SYT17: variants seen among roughly 807,000 people sequenced by gnomAD.
The protein encoded by SYT17 is synaptotagmin-17.
In SYT17, 22 loss-of-function variants were observed where a neutral mutation model predicts 46.7. That is an observed-to-expected ratio of 0.47 (90% confidence interval 0.34 to 0.67). SYT17 has a LOEUF of 0.67. Ranked by LOEUF, SYT17 falls within the 30% of genes least tolerant of loss-of-function variation. The pLI is 0.01. For synonymous variants in SYT17, 251 were observed against 248.4 expected (o/e 1.01, Z -0.10); for missense variants, 519 against 612.8 (o/e 0.85, Z 1.62).
At chr16:19,197,523 A>G (rs918979319) in intron 5 of SYT17, among the ~76,000 whole-genome samples, 1 of 151,978 alleles carries the variant, frequency 6.6e-6, no homozygotes, top group African/African-American at 2.4e-5. Context: ...GTAAGAGTTC[A>G]CTGCAGCTTC....
chr16:19,211,291 CAG>C lies in SYT17; in HGVS notation c.952-11753_952-11752del, dbSNP rs1352700180. Reference sequence around the variant, plus strand: ...TCGATTCTGTGGGGGTTGGATAGGACAGGGGGTGGAACATCGTGCTGACAACC... The same window carrying C: ...TCGATTCTGTGGGGGTTGGATAGGACGGGGTGGAACATCGTGCTGACAACC... On this transcript the variant is annotated intron_variant, in intron 5 of 7. Coordinates refer to ENST00000355377, the MANE Select transcript of SYT17 (RefSeq NM_016524.4). 2.5e-5 allele frequency: 16 copies of C among 637,204 alleles called. No individual in the cohort carries two copies. The East Asian group carries it at 3.9e-4, about 16-fold the overall frequency. 39.5% of individuals were successfully genotyped at this position (637,204 alleles called of 1,614,324 possible).
chr16:19,189,906 G>A (rs1436261993), intron 5 of SYT17, among the ~76,000 whole-genome samples: 1 of 152,206 alleles, frequency 6.6e-6, no homozygotes, highest in Non-Finnish European at 1.5e-5. Context: ...TCCTGGTTCA[G>A]GGCAGAACAT....
intron 5 of SYT17, among the ~76,000 whole-genome samples, chr16:19,201,060 A>C (rs1965440042): frequency 6.6e-6 from 1 of 152,170 alleles, no homozygotes; most frequent in South Asian, 2.1e-4. Context: ...CCAACAGTAG[A>C]GGTCTGCTTC....
At chr16:19,220,452 C>A (rs1966273764) in intron 5 of SYT17, among the ~76,000 whole-genome samples, 2 of 151,922 alleles carry the variant, frequency 1.3e-5, no homozygotes, top group African/African-American at 4.8e-5. Flanking sequence ...GTGCACACCA[C>A]CATGTCTGAC....
chr16:19,180,600 C>T (rs1330951397), intron 4 of SYT17, 61 bp downstream of exon 4: 20 of 1,592,050 alleles, frequency 1.3e-5, no homozygotes, highest in Admixed American at 1.7e-5. Context: ...CACTCTCCCA[C>T]GGAGAGTCAT....
In SYT17 at chr16:19,266,917, C is replaced by T. The variant is rs765529724; in HGVS notation, c.1266C>T (p.Ile422=). 33 of 1,613,538 alleles carry T rather than the reference C, an allele frequency of 2.0e-5. No homozygotes were observed. Among genetic ancestry groups the T allele is most frequent in the Middle Eastern group, 1.7e-4 (1 of 5,944 alleles). Residue 422 remains isoleucine, a synonymous_variant, in exon 8 of 8, where the codon ATC becomes ATT. Transcript: ENST00000355377. ...ACATGAAGAGCAGCAATGACTTCAT[C>T]GGGAGGATCGTCATTGGCCAGTACT... The part of the protein sequence containing the change: ...GHNMKSSNDF[I]GRIVIGQYSS...
chr16:19,168,803 A>C lies in SYT17; in HGVS notation c.15+142A>C. The C allele has an allele frequency of 4.5e-6, 5 of 1,116,268 alleles. No homozygotes were observed. Among genetic ancestry groups the C allele is most frequent in the Non-Finnish European group, 6.1e-6 (5 of 815,280 alleles). The allele number at this position is 1,116,268 out of a possible 1,614,324, so 69.1% of individuals were successfully genotyped here. On this transcript the variant is annotated intron_variant, in intron 1 of 7. Transcript: ENST00000355377. This position sits in a 1 kb window ranked among gnomAD's most constrained non-coding sequence, Gnocchi z 6.9. ...GAAAAAGGGTGCCCGTGCGCGGGCA[A>C]CCTGTGCAGCAACAGGGGTGCGCCC... is the stretch of plus-strand genomic sequence containing the variant.
rs938946315 is a variant in SYT17, at chr16:19,254,048, G to C, written c.1229-12832G>C. Among the ~76,000 whole-genome samples, 3 of 152,164 alleles carry C rather than the reference G, an allele frequency of 2.0e-5. No individual in the cohort carries two copies. The South Asian group carries it at 6.2e-4, about 31-fold the overall frequency. On this transcript the variant is annotated intron_variant, in intron 7 of 7. Coordinates refer to ENST00000355377, the MANE Select transcript of SYT17 (RefSeq NM_016524.4). ...CCAGTCCTCTTTCAATTCTTTATTT[G>C]TTCTTTTCAGGGAAGAGGTGACTTA...
intron 5 of SYT17, among the ~76,000 whole-genome samples, chr16:19,208,558 A>G (rs1965760990): frequency 6.6e-6 from 1 of 152,108 alleles, no homozygotes; most frequent in Admixed American, 6.5e-5. Flanking sequence ...CCACCCCACA[A>G]TCCAATCACC....
chr16:19,251,344 A>G (rs1968052113), intron 7 of SYT17, among the ~76,000 whole-genome samples: 1 of 152,172 alleles, frequency 6.6e-6, no homozygotes, highest in Admixed American at 6.5e-5. Flanking sequence ...GATTCCAGAC[A>G]CATGCCACAT....
intron 5 of SYT17, among the ~76,000 whole-genome samples, chr16:19,219,444 A>AAAAAT (rs1567218008): frequency 8.2e-6 from 1 of 121,952 alleles, no homozygotes; most frequent in Non-Finnish European, 1.9e-5. Context: ...AAAAAAAAAA[A>AAAAAT]AATAATAATA....
At chr16:19,245,997 G>A (rs765542613) in intron 7 of SYT17, among the ~76,000 whole-genome samples, 38 of 151,698 alleles carry the variant, frequency 2.5e-4, no homozygotes, top group Middle Eastern at 3.4e-3. Context: ...CCTATATTTT[G>A]TATATTATTT....
rs1050541449 is a variant in SYT17 at position 19,180,317 on chromosome 16, TA to T, written c.183-72del. 2.0e-5 allele frequency: 31 copies of T among 1,562,730 alleles called. No homozygotes were observed. In the Admixed American group the frequency reaches 5.2e-4, roughly 26 times the overall value. On this transcript the variant is annotated intron_variant, in intron 3 of 7. Coordinates refer to ENST00000355377, the MANE Select transcript of SYT17 (RefSeq NM_016524.4). ...CTGAGAGCGGTTTCATCGTGGGTCT[TA>T]ACCCCCAAGGGACAGAGATGCCAGT...
intron 7 of SYT17, among the ~76,000 whole-genome samples, chr16:19,235,477 G>A (rs1365286542): frequency 6.6e-6 from 1 of 152,128 alleles, no homozygotes; most frequent in Admixed American, 6.6e-5. Context: ...TATTCAATAG[G>A]ATTTAAGCAA....
chr16:19,172,697 C>T lies in SYT17; in HGVS notation c.16-63C>T, dbSNP rs1479568545. 8.2e-6 allele frequency: 13 copies of T among 1,590,684 alleles called. No individual in the cohort carries two copies. In the African/African-American group the frequency reaches 1.1e-4, roughly 14 times the overall value. Reference sequence around the variant, plus strand: ...GAATATTGCTAAACTGGTCTTGTCTCTCTTTCTTTAACCCCTTCGTTCCCT... The same window carrying T: ...GAATATTGCTAAACTGGTCTTGTCTTTCTTTCTTTAACCCCTTCGTTCCCT... On this transcript the variant is annotated intron_variant, in intron 1 of 7. Transcript: ENST00000355377.
rs1963954839 is a variant in SYT17, at chr16:19,168,577, C to A, written c.-70C>A. On this transcript the variant is annotated 5_prime_UTR_variant, in exon 1 of 8. Coordinates refer to ENST00000355377, the MANE Select transcript of SYT17 (RefSeq NM_016524.4). This position sits in a 1 kb window ranked among gnomAD's most constrained non-coding sequence, Gnocchi z 6.9. ...TTCCCCCTTTGCTTTCTTCCCCCTC[C>A]GCTGTTGGCGAGGGCAAAGTGGCCG... 6.5e-7 allele frequency: 1 copy of A among 1,541,054 alleles called. No homozygotes were observed.
At chr16:19,203,524 C>T (rs916513346) in intron 5 of SYT17, among the ~76,000 whole-genome samples, 3 of 152,164 alleles carry the variant, frequency 2.0e-5, no homozygotes, top group South Asian at 2.1e-4. Context: ...TCAATGTTTC[C>T]GCTGTGGTTA....
chr16:19,186,147 T>G (rs956972227), intron 5 of SYT17, among the ~76,000 whole-genome samples: 2 of 152,150 alleles, frequency 1.3e-5, no homozygotes, highest in African/African-American at 4.8e-5. Flanking sequence ...CTTAGTTTCA[T>G]GGGGACCTTT....
At chr16:19,246,960 G>A (rs763220860) in intron 7 of SYT17, among the ~76,000 whole-genome samples, 1 of 152,192 alleles carries the variant, frequency 6.6e-6, no homozygotes, top group African/African-American at 2.4e-5. Context: ...TGAGAAAACG[G>A]AAGCAGAGAA....
Sources: allele counts gnomAD v4.1 joint callset (sites outside exome capture counted in the v4.1 genomes callset), GRCh38; gene constraint gnomAD v4.1.1; non-coding constraint Gnocchi (gnomAD v3.1); transcripts MANE v1.5; gene names NCBI Gene and HGNC (gene_info 2026-07-23, HGNC 2026-07-21).